CDH13: variants seen among roughly 807,000 people sequenced by gnomAD.
The protein encoded by CDH13 is cadherin-13.
CDH13 carries 24 observed loss-of-function variants against 63.8 expected under a neutral mutation model. The observed-to-expected ratio is 0.38, with a 90% CI of 0.27 to 0.53. The LOEUF (loss-of-function observed/expected upper bound fraction) is 0.53, where lower values mean the gene tolerates loss of function less well. CDH13 is among the 20% of genes least tolerant of loss of function. The pLI is 0.85. For synonymous variants in CDH13, 503 were observed against 355.3 expected (o/e 1.42, Z -4.67); for missense variants, 1,049 against 903.1 (o/e 1.16, Z -2.07).
chr16:83,764,719 A>C (rs1183086712), intron 11 of CDH13, among the ~76,000 whole-genome samples: 3 of 120,660 alleles, frequency 2.5e-5, no homozygotes, highest in Non-Finnish European at 1.8e-5. Flanking sequence ...TCAGCCCTTT[A>C]CTCTTGCATC....
At chr16:82,757,366 C>T (rs564071341) in intron 1 of CDH13, among the ~76,000 whole-genome samples, 1 of 148,888 alleles carries the variant, frequency 6.7e-6, no homozygotes, top group South Asian at 2.2e-4. Flanking sequence ...GTCCAAAGGC[C>T]CTTGTCTTGA....
intron 5 of CDH13, among the ~76,000 whole-genome samples, chr16:83,259,099 G>A (rs1261672993): frequency 1.3e-5 from 2 of 152,186 alleles, no homozygotes; most frequent in Non-Finnish European, 1.5e-5. Context: ...TAGGATGTGG[G>A]GAGAGCAGGG....
chr16:83,360,738 A>G (rs2091146322), intron 6 of CDH13, among the ~76,000 whole-genome samples: 1 of 152,152 alleles, frequency 6.6e-6, no homozygotes, highest in South Asian at 2.1e-4. Flanking sequence ...CATTAATTCA[A>G]TAGGATAAAG....
intron 1 of CDH13, among the ~76,000 whole-genome samples, chr16:82,780,096 C>T (rs370917066): frequency 1.3e-5 from 2 of 152,134 alleles, no homozygotes; most frequent in Non-Finnish European, 1.5e-5. Flanking sequence ...TTAAATCAAG[C>T]AACGGTGTCT....
At chr16:83,489,053 C>T (rs902976083) in intron 7 of CDH13, among the ~76,000 whole-genome samples, 3 of 152,154 alleles carry the variant, frequency 2.0e-5, no homozygotes, top group Non-Finnish European at 4.4e-5. Context: ...TTTCTATAGT[C>T]CTTAATGCTC....
intron 4 of CDH13, among the ~76,000 whole-genome samples, chr16:83,205,507 T>C (rs1441809564): frequency 6.6e-6 from 1 of 151,992 alleles, no homozygotes; most frequent in Non-Finnish European, 1.5e-5. Context: ...CCATGAGTAC[T>C]CTGGAAGTCA....
chr16:83,078,041 C>G (rs1472766024), intron 3 of CDH13, among the ~76,000 whole-genome samples: 1 of 152,104 alleles, frequency 6.6e-6, no homozygotes, highest in Non-Finnish European at 1.5e-5. Flanking sequence ...TTTGGCTTGG[C>G]TAAAGTCAAA....
chr16:82,762,463 G>A (rs1192175259), intron 1 of CDH13, among the ~76,000 whole-genome samples: 1 of 152,192 alleles, frequency 6.6e-6, no homozygotes, highest in Non-Finnish European at 1.5e-5. Context: ...AATAGAAAAT[G>A]TATGTGAGAG....
intron 2 of CDH13, among the ~76,000 whole-genome samples, chr16:83,008,534 G>C (rs553406490): frequency 8.5e-5 from 13 of 152,336 alleles, no homozygotes; most frequent in African/African-American, 3.1e-4. Flanking sequence ...TATGGAGAAG[G>C]CTGTAGGTTA....
At chr16:83,587,153 A>G (rs1291028479) in intron 7 of CDH13, among the ~76,000 whole-genome samples, 2 of 152,224 alleles carry the variant, frequency 1.3e-5, no homozygotes, top group Non-Finnish European at 2.9e-5. Flanking sequence ...GATTAAAAGT[A>G]ACCCTGCATG....
chr16:82,822,475 A>T (rs1471946632), intron 1 of CDH13, among the ~76,000 whole-genome samples: 5 of 152,228 alleles, frequency 3.3e-5, no homozygotes, highest in Admixed American at 6.5e-5. Flanking sequence ...TCATTTTTTT[A>T]AAAAAATAGT....
intron 6 of CDH13, among the ~76,000 whole-genome samples, chr16:83,467,201 T>G (rs2073337502): frequency 6.6e-6 from 1 of 152,186 alleles, no homozygotes; most frequent in African/African-American, 2.4e-5. Flanking sequence ...CTCAAACGTT[T>G]TGTGGTTCCA....
At chr16:83,771,817 C>T (rs1358079099) in intron 11 of CDH13, among the ~76,000 whole-genome samples, 1 of 152,180 alleles carries the variant, frequency 6.6e-6, no homozygotes, top group Admixed American at 6.5e-5. Context: ...GCCTACAAGT[C>T]CTCATTTCCT....
In CDH13 at chr16:82,694,325, G is replaced by A. The variant is rs145791803; in HGVS notation, c.45+67188G>A. The stretch of plus-strand genomic sequence containing the variant: ...GAGCTACTTTTGATAAAATGTGACA[G>A]GCAGACTTTGGTATTTCACCACCCC... On this transcript the variant is annotated intron_variant, in intron 1 of 13. Coordinates refer to ENST00000567109, the MANE Select transcript of CDH13 (RefSeq NM_001257.5). Among the ~76,000 whole-genome samples, 99 of 152,280 alleles carry A rather than the reference G, an allele frequency of 6.5e-4. 1 individual carries two copies. The highest frequency in any genetic ancestry group is 2.2e-3 in the African/African-American group (91 of 41,554).
rs144880930 is a variant in CDH13 at position 83,447,654 on chromosome 16, C to T, written c.782-38823C>T. On this transcript the variant is annotated intron_variant, in intron 6 of 13. Transcript: ENST00000567109. ...AGGTCAAGAGGATCCTGAAATAAAC[C>T]AAGTGTGAGAGTATCAAGGTGACAA... Among the ~76,000 whole-genome samples the T allele has an allele frequency of 2.7e-3, 406 of 151,936 alleles. 3 individuals are homozygous for T. Among genetic ancestry groups the T allele is most frequent in the African/African-American group, 9.4e-3 (389 of 41,442 alleles).
intron 4 of CDH13, among the ~76,000 whole-genome samples, chr16:83,158,148 T>G (rs895126050): frequency 2.6e-5 from 4 of 152,046 alleles, no homozygotes; most frequent in Admixed American, 2.0e-4. Context: ...AGTCCCTTCC[T>G]GAATCCAGGT....
At chr16:82,842,776 C>G (rs9933346) in intron 1 of CDH13, among the ~76,000 whole-genome samples, 1 of 150,636 alleles carries the variant, frequency 6.6e-6, no homozygotes. Flanking sequence ...CAGTGGGAGC[C>G]CTGAACTTGT....
At chr16:83,052,581 A>T (rs1349419844) in intron 3 of CDH13, among the ~76,000 whole-genome samples, 2 of 152,144 alleles carry the variant, frequency 1.3e-5, no homozygotes, top group Non-Finnish European at 2.9e-5. Flanking sequence ...CGAGTTGAAG[A>T]CCAGCCAGGC....
chr16:83,248,923 C>T (rs940803491), intron 5 of CDH13, among the ~76,000 whole-genome samples: 1 of 152,202 alleles, frequency 6.6e-6, no homozygotes, highest in Non-Finnish European at 1.5e-5. Context: ...CCAAACTGAA[C>T]TCAACACTTA....
Sources: allele counts gnomAD v4.1 joint callset (sites outside exome capture counted in the v4.1 genomes callset), GRCh38; gene constraint gnomAD v4.1.1; transcripts MANE v1.5; gene names NCBI Gene and HGNC (gene_info 2026-07-23, HGNC 2026-07-21).